The following IQCJ variants were observed in gnomAD, a reference collection of about 807,000 sequenced individuals.
IQCJ encodes the protein IQ motif containing J.
In IQCJ, 9 loss-of-function variants were observed where a neutral mutation model predicts 11.0. The ratio of observed to expected loss-of-function variants is 0.82; its 90% CI spans 0.49 to 1.43. IQCJ has a LOEUF of 1.43. Ranked by LOEUF, IQCJ falls within the 40% of genes most tolerant of loss-of-function variation. The pLI, the probability that IQCJ is intolerant of heterozygous loss-of-function variation, is 0.00. For missense variants in IQCJ, 146 were observed against 133.2 expected, an observed-to-expected ratio of 1.10 and a Z score of -0.47; for synonymous variants, 55 against 51.3, an observed-to-expected ratio of 1.07 and a Z score of -0.31.
chr3:159,239,842 A>G (rs1381456851), intron 1 of IQCJ, among the ~76,000 whole-genome samples: 3 of 152,336 alleles, frequency 2.0e-5, no homozygotes, highest in Non-Finnish European at 2.9e-5. Flanking sequence ...TCTTACAGTA[A>G]CATATGCTTT....
intron 1 of IQCJ, among the ~76,000 whole-genome samples, chr3:159,196,162 G>A (rs762240534): frequency 5.3e-5 from 8 of 152,050 alleles, no homozygotes; most frequent in Non-Finnish European, 7.4e-5. Context: ...TTGAACCTAC[G>A]CCTAATTTCA....
intron 3 of IQCJ, among the ~76,000 whole-genome samples, chr3:159,261,273 G>C (rs190506005): frequency 3.2e-4 from 48 of 152,254 alleles, no homozygotes; most frequent in African/African-American, 1.1e-3. Flanking sequence ...ATTTTAAAAG[G>C]CTGAATCCTA....
chr3:159,121,489 C>A (rs2108141792), intron 1 of IQCJ, among the ~76,000 whole-genome samples: 1 of 152,242 alleles, frequency 6.6e-6, no homozygotes, highest in Admixed American at 6.5e-5. Context: ...GGGGAAATTA[C>A]AGTCTGCAGC....
Position 159,263,104 on chromosome 3 carries a change from G to A in IQCJ, c.*373G>A, listed in dbSNP as rs1369512623. ...ATTGAAAGTGGTCACACACTCAGGG[G>A]TTGCAACTTAAATGTCTCCAGGGGC... On this transcript the variant is annotated 3_prime_UTR_variant, in exon 4 of 4. Transcript: ENST00000397832. 2.0e-6 allele frequency: 2 copies of A among 990,570 alleles called. No homozygotes were observed. The highest frequency in any genetic ancestry group is 2.4e-6 in the Non-Finnish European group (2 of 832,214). 61.4% of individuals were successfully genotyped at this position (990,570 alleles called of 1,614,324 possible).
intron 1 of IQCJ, among the ~76,000 whole-genome samples, chr3:159,089,873 C>A (rs1386157449): frequency 6.6e-6 from 1 of 151,816 alleles, no homozygotes; most frequent in Non-Finnish European, 1.5e-5. Flanking sequence ...GAGTGTCCTC[C>A]TGTAGCTCAG....
At chr3:159,189,288 T>C (rs1317389961) in intron 1 of IQCJ, among the ~76,000 whole-genome samples, 2 of 152,188 alleles carry the variant, frequency 1.3e-5, no homozygotes, top group African/African-American at 4.8e-5. Flanking sequence ...TATATAGATA[T>C]ATTTGCATTT....
chr3:159,173,176 A>G (rs1722590684), intron 1 of IQCJ, among the ~76,000 whole-genome samples: 1 of 152,202 alleles, frequency 6.6e-6, no homozygotes, highest in Admixed American at 6.5e-5. Flanking sequence ...CAGACCTTGA[A>G]TATCGCACAG....
intron 1 of IQCJ, among the ~76,000 whole-genome samples, chr3:159,173,956 A>G (rs1031026764): frequency 6.6e-6 from 1 of 152,010 alleles, no homozygotes; most frequent in Non-Finnish European, 1.5e-5. Context: ...TAAATCCTAT[A>G]TGTATCTTAA....
At chr3:159,176,975 A>G (rs1297890369) in intron 1 of IQCJ, among the ~76,000 whole-genome samples, 1 of 152,168 alleles carries the variant, frequency 6.6e-6, no homozygotes, top group African/African-American at 2.4e-5. Flanking sequence ...ATCTTTGAAG[A>G]TTTCCTGGAA....
intron 1 of IQCJ, among the ~76,000 whole-genome samples, chr3:159,176,083 C>G (rs1722779268): frequency 3.3e-5 from 5 of 152,074 alleles, no homozygotes; most frequent in Admixed American, 2.6e-4. Flanking sequence ...AATATAAGCT[C>G]TCTGGTGAAG....
At position 159,181,313 on chromosome 3, in the gene IQCJ, A is replaced by G. The variant is rs373757285; in HGVS notation, c.10-64530A>G. ...TCTTCCTCTCCATTTCTTAAGCACTATGCTCCTTAGTGCTCTGTTCTTAGT... is the reference window on the plus strand; with the variant it reads ...TCTTCCTCTCCATTTCTTAAGCACTGTGCTCCTTAGTGCTCTGTTCTTAGT... On this transcript the variant is annotated intron_variant, in intron 1 of 3. Transcript: ENST00000397832. Among the ~76,000 whole-genome samples, 86 of 150,032 alleles carry G rather than the reference A, an allele frequency of 5.7e-4. 1 individual carries two copies. In the South Asian group the frequency reaches 0.01, roughly 18 times the overall value.
At position 159,232,456 on chromosome 3, in the gene IQCJ, T is replaced by C. The variant is rs1286758793; in HGVS notation, c.10-13387T>C. Reference sequence around the variant, plus strand: ...GTGCCGTTTTGAGAGACTTTCTTTTTTTTTTTTTTTTTTTTTTTGAGATGG... The same window carrying C: ...GTGCCGTTTTGAGAGACTTTCTTTTCTTTTTTTTTTTTTTTTTTGAGATGG... On this transcript the variant is annotated intron_variant, in intron 1 of 3. Coordinates refer to ENST00000397832, the MANE Select transcript of IQCJ (RefSeq NM_001042706.3). Among the ~76,000 whole-genome samples the C allele has an allele frequency of 7.0e-5, 10 of 143,246 alleles. No homozygotes were observed. In the East Asian group the frequency reaches 1.2e-3, roughly 17 times the overall value. The allele number at this position is 143,246 out of a possible 152,430, so 94.0% of individuals were successfully genotyped here. A position where few individuals can be genotyped will look rare whatever the true frequency, so the allele number is the denominator to read the frequency against.
intron 1 of IQCJ, among the ~76,000 whole-genome samples, chr3:159,126,973 G>A (rs1719714025): frequency 6.6e-6 from 1 of 152,212 alleles, no homozygotes; most frequent in Non-Finnish European, 1.5e-5. Context: ...CTTGCTGGAA[G>A]CCTTGGGCAG....
At chr3:159,208,828 A>C (rs1202414148) in intron 1 of IQCJ, among the ~76,000 whole-genome samples, 1 of 152,210 alleles carries the variant, frequency 6.6e-6, no homozygotes, top group Admixed American at 6.5e-5. Context: ...ATTAGGGAGT[A>C]TTCTAAATCC....
At position 159,170,648 on chromosome 3, in the gene IQCJ, T is replaced by C. The variant is rs535372034; in HGVS notation, c.10-75195T>C. On this transcript the variant is annotated intron_variant, in intron 1 of 3. Transcript: ENST00000397832. ...GCCATTTCCAGCTCCTCACCCTTTT[T>C]TTTTTTTTCTTGTTTTCGCTTGGCT... 9.6e-4 allele frequency among the ~76,000 whole-genome samples: 146 copies of C among 152,260 alleles called. 1 individual carries two copies. The highest frequency in any genetic ancestry group is 3.2e-3 in the African/African-American group (133 of 41,550).
intron 1 of IQCJ, among the ~76,000 whole-genome samples, chr3:159,183,279 T>C (rs533758428): frequency 1.1e-4 from 16 of 152,234 alleles, no homozygotes; most frequent in Non-Finnish European, 1.9e-4. Context: ...TTGTTTTAAA[T>C]AATTATGATG....
At chr3:159,154,459 A>T (rs1721401647) in intron 1 of IQCJ, among the ~76,000 whole-genome samples, 1 of 152,170 alleles carries the variant, frequency 6.6e-6, no homozygotes, top group Admixed American at 6.5e-5. Flanking sequence ...AATTGTAATC[A>T]CTTTGATTCA....
chr3:159,212,806 C>T (rs920787509), intron 1 of IQCJ, among the ~76,000 whole-genome samples: 2 of 152,176 alleles, frequency 1.3e-5, no homozygotes, highest in Admixed American at 1.3e-4. Context: ...ATTAAGCCAA[C>T]TTTTGTGGCA....
intron 1 of IQCJ, among the ~76,000 whole-genome samples, chr3:159,117,900 C>T (rs1559992238): frequency 6.6e-6 from 1 of 152,188 alleles, no homozygotes; most frequent in East Asian, 2.0e-4. Flanking sequence ...GTGCTAGGAG[C>T]TTCCACATGC....
Sources: allele counts gnomAD v4.1 joint callset (sites outside exome capture counted in the v4.1 genomes callset), GRCh38; gene constraint gnomAD v4.1.1; transcripts MANE v1.5; gene names NCBI Gene and HGNC (gene_info 2026-07-23, HGNC 2026-07-21).